The following TM9SF4 variants were observed in gnomAD, a reference collection of about 807,000 sequenced individuals.
The protein encoded by TM9SF4 is dinucleotide oxidase disulfide thiol exchanger 3 superfamily member 4.
TM9SF4 carries 26 observed loss-of-function variants against 90.4 expected under a neutral mutation model. The observed-to-expected ratio is 0.29, with a 90% CI of 0.21 to 0.40. The LOEUF is 0.40. TM9SF4 is among the 10% of genes least tolerant of loss of function. TM9SF4 has a pLI of 1.00. For synonymous variants in TM9SF4, 293 were observed against 315.4 expected (o/e 0.93, Z 0.75); for missense variants, 549 against 834.8 (o/e 0.66, Z 4.22).
At chr20:32,109,921 G>C in intron 1 of TM9SF4, 166 bp downstream of exon 1, 1 of 1,458,806 alleles carries the variant, frequency 6.9e-7, no homozygotes, top group South Asian at 1.4e-5. Context: ...CACCTCCCTG[G>C]CCCTGCCCCT....
At chr20:32,119,122 T>C (rs1195326874) in intron 1 of TM9SF4, among the ~76,000 whole-genome samples, 1 of 151,974 alleles carries the variant, frequency 6.6e-6, no homozygotes, top group African/African-American at 2.4e-5. Context: ...GAGACTGTGT[T>C]GCTCATAAAG....
At chr20:32,110,046 C>T in intron 1 of TM9SF4, 2 of 1,363,958 alleles carry the variant, frequency 1.5e-6, no homozygotes, top group Non-Finnish European at 1.9e-6. Flanking sequence ...CACTGTGAGC[C>T]CCATTTTCCA....
Position 32,123,062 on chromosome 20 carries a change from C to T in TM9SF4, c.16-9951C>T, listed in dbSNP as rs1277941976. On this transcript the variant is annotated intron_variant, in intron 1 of 17. Transcript: ENST00000398022. ...CGTGCGCCTGCAATTGCAGGCACTC[C>T]GCAGGCTGAGGCAGGAGAATCAGGC... Among the ~76,000 whole-genome samples, 19 of 149,156 alleles carry T rather than the reference C, an allele frequency of 1.3e-4. No homozygotes were observed. The South Asian group carries it at 1.3e-3, about 10-fold the overall frequency.
chr20:32,164,554 G>A (rs772658655), intron 17 of TM9SF4, among the ~76,000 whole-genome samples: 2 of 152,156 alleles, frequency 1.3e-5, no homozygotes, highest in African/African-American at 2.4e-5. Flanking sequence ...GGCTGAGCCT[G>A]AAAACATGGC....
At chr20:32,149,817 G>A in intron 10 of TM9SF4, 51 bp downstream of exon 10, 1 of 1,605,734 alleles carries the variant, frequency 6.2e-7, no homozygotes, top group Non-Finnish European at 8.5e-7. Context: ...CCTCTTCCAG[G>A]TGCCTCAAGG....
intron 1 of TM9SF4, among the ~76,000 whole-genome samples, chr20:32,132,431 C>A (rs2046533457): frequency 6.6e-6 from 1 of 151,712 alleles, no homozygotes; most frequent in Admixed American, 6.6e-5. Context: ...GTGCAGGTGC[C>A]TGTGGGAAGG....
At chr20:32,143,740 T>C (rs1406898703) in intron 6 of TM9SF4, among the ~76,000 whole-genome samples, 1 of 152,052 alleles carries the variant, frequency 6.6e-6, no homozygotes, top group African/African-American at 2.4e-5. Context: ...TTTTTTTTTT[T>C]TCCACTGTGG....
At position 32,112,253 on chromosome 20, in the gene TM9SF4, C is replaced by T. The variant is rs1038592940; in HGVS notation, c.15+2498C>T. 4.6e-5 allele frequency among the ~76,000 whole-genome samples: 7 copies of T among 152,114 alleles called. No individual in the cohort carries two copies. In the South Asian group the frequency reaches 1.5e-3, roughly 32 times the overall value. On this transcript the variant is annotated intron_variant, in intron 1 of 17. Coordinates refer to ENST00000398022, the MANE Select transcript of TM9SF4 (RefSeq NM_014742.4). ...GGCAAACCCCTCTACAAAAAAAATA[C>T]AAAAAGAAAAAATTAGCTGGGCTTG...
At chr20:32,143,741 T>C (rs75273936) in intron 6 of TM9SF4, among the ~76,000 whole-genome samples, 4 of 151,912 alleles carry the variant, frequency 2.6e-5, no homozygotes, top group Non-Finnish European at 5.9e-5. Context: ...TTTTTTTTTT[T>C]CCACTGTGGA....
intron 1 of TM9SF4, among the ~76,000 whole-genome samples, chr20:32,118,626 T>A (rs1434661292): frequency 1.3e-5 from 2 of 149,912 alleles, no homozygotes; most frequent in Non-Finnish European, 3.0e-5. Context: ...TTTATTTATT[T>A]ATTTATTTAT....
At chr20:32,154,314 A>G (rs1383550667) in intron 12 of TM9SF4, among the ~76,000 whole-genome samples, 3 of 151,264 alleles carry the variant, frequency 2.0e-5, no homozygotes, top group African/African-American at 7.3e-5. Flanking sequence ...ACGCCTGGCT[A>G]ATTTTTTGTA....
chr20:32,150,639 A>G lies in TM9SF4; in HGVS notation c.1105A>G (p.Met369Val). The G allele has an allele frequency of 6.2e-7, 1 of 1,614,018 alleles. No homozygotes were observed. The highest frequency in any genetic ancestry group is 8.5e-7 in the Non-Finnish European group (1 of 1,179,990). ...CTCCACAGTTGTAGCCATGCTTGGGATGCTGTCGCCCTCCAGCCGGGGAGC... is the reference window on the plus strand; with the variant it reads ...CTCCACAGTTGTAGCCATGCTTGGGGTGCTGTCGCCCTCCAGCCGGGGAGC... ...LIVIFVAMLG[M>V]LSPSSRGALM... Residue 369 changes from methionine (M) to valine (V), a missense_variant, in exon 11 of 18, where the codon ATG (methionine) becomes GTG (valine). Transcript: ENST00000398022.
chr20:32,114,552 T>G (rs999156275), intron 1 of TM9SF4, among the ~76,000 whole-genome samples: 3 of 152,186 alleles, frequency 2.0e-5, no homozygotes, highest in Non-Finnish European at 4.4e-5. Context: ...AGGCTAGCCT[T>G]GAACTCCTGG....
intron 1 of TM9SF4, among the ~76,000 whole-genome samples, chr20:32,112,661 T>C (rs2046161459): frequency 6.8e-6 from 1 of 146,208 alleles, no homozygotes; most frequent in African/African-American, 2.6e-5. Context: ...GTCACTGCAC[T>C]GCAGCCTGGG....
Position 32,150,728 on chromosome 20 carries a change from G to A in TM9SF4, c.1169+25G>A, listed in dbSNP as rs117378435. The A allele has an allele frequency of 2.6e-3, 4,165 of 1,614,114 alleles. 60 individuals carry two copies. In the East Asian group the frequency reaches 0.032, roughly 12 times the overall value. ...GGTAGGTGTGTCTGAGTGGGCTCCC[G>A]GGGGCGGCACAGGCCTCCTCCACAC... On this transcript the variant is annotated intron_variant, in intron 11 of 17. Transcript: ENST00000398022.
rs750377055 is a variant in TM9SF4 at position 32,141,647 on chromosome 20, A to T, written c.380A>T (p.Glu127Val). ...CGACTCGTGGCCGAGCGGATCACAG[A>T]AGACTACTACGTCCACCTGTAAGTC... The part of the protein sequence containing the change: ...QSRLVAERIT[E>V]DYYVHLIADN... Residue 127 changes from glutamate to valine, a missense_variant, in exon 4 of 18, where the codon GAA becomes GTA. By Grantham distance (121) the Glu-to-Val change is moderately radical (BLOSUM62 -2). This residue lies in a region of TM9SF4 where 495 missense variants were observed against 711.7 expected (regional missense o/e 0.70). Transcript: ENST00000398022. The T allele has an allele frequency of 6.2e-7, 1 of 1,614,126 alleles. No homozygotes were observed. The highest frequency in any genetic ancestry group is 2.2e-5 in the East Asian group (1 of 44,874).
chr20:32,113,712 G>A (rs1467547168), intron 1 of TM9SF4, among the ~76,000 whole-genome samples: 1 of 152,070 alleles, frequency 6.6e-6, no homozygotes, highest in African/African-American at 2.4e-5. Flanking sequence ...ATATAATTTA[G>A]TGGGTTTTAG....
intron 3 of TM9SF4, among the ~76,000 whole-genome samples, chr20:32,140,467 A>G (rs2046656418): frequency 6.6e-6 from 1 of 152,210 alleles, no homozygotes; most frequent in African/African-American, 2.4e-5. Flanking sequence ...TAACGAGCTC[A>G]TAGTCAGGTA....
chr20:32,126,727 C>T (rs1203237906), intron 1 of TM9SF4, among the ~76,000 whole-genome samples: 1 of 135,838 alleles, frequency 7.4e-6, no homozygotes, highest in Non-Finnish European at 1.5e-5. Context: ...AGTTGGTGAA[C>T]TAATTTCTTT....
Sources: allele counts gnomAD v4.1 joint callset (sites outside exome capture counted in the v4.1 genomes callset), GRCh38; gene constraint gnomAD v4.1.1; regional missense constraint gnomAD v4.1.1; transcripts MANE v1.5; gene names NCBI Gene and HGNC (gene_info 2026-07-23, HGNC 2026-07-21).